The following MTNAP1 variants were observed in gnomAD, a reference collection of about 807,000 sequenced individuals.
MTNAP1 encodes the protein mitochondrial nucleoid-associated protein 1.
chr17:73,235,622 C>G, the MTNAP1 span: 1 of 1,614,144 alleles, frequency 6.2e-7, no homozygotes, highest in Non-Finnish European at 8.5e-7. Flanking sequence ...TCCAAGCCAG[C>G]TACACTCCCA....
chr17:73,233,921 C>T, the MTNAP1 span, among the ~76,000 whole-genome samples: 1 of 151,674 alleles, frequency 6.6e-6, no homozygotes, highest in African/African-American at 2.4e-5. Context: ...TTACTGTAAT[C>T]TGTTGGCAGA....
the MTNAP1 span, chr17:73,247,402 T>G: frequency 3.2e-6 from 5 of 1,557,570 alleles, no homozygotes; most frequent in Non-Finnish European, 4.4e-6. Flanking sequence ...GTGCCCTGTG[T>G]TGCCCACTGA....
chr17:73,237,033 CA>C, the MTNAP1 span: 2 of 1,493,552 alleles, frequency 1.3e-6, no homozygotes, highest in Non-Finnish European at 1.8e-6. Context: ...CTGTCCCATC[CA>C]AAATGCTCTC....
chr17:73,236,590 C>T, the MTNAP1 span: 1 of 1,614,210 alleles, frequency 6.2e-7, no homozygotes, highest in Admixed American at 1.7e-5. Context: ...TTCTGTATCG[C>T]AGTCAAGTAG....
At chr17:73,235,760 T>G in the MTNAP1 span, 5 of 1,614,164 alleles carry the variant, frequency 3.1e-6, no homozygotes, top group Non-Finnish European at 4.2e-6. Context: ...GTGAAGACCT[T>G]TCCACTGCCA....
the MTNAP1 span, among the ~76,000 whole-genome samples, chr17:73,246,219 T>C: frequency 6.6e-6 from 1 of 152,192 alleles, no homozygotes; most frequent in Non-Finnish European, 1.5e-5. Context: ...GGTCAGTTCC[T>C]CTTATGTCCC....
the MTNAP1 span, chr17:73,248,603 T>C: frequency 6.7e-7 from 1 of 1,498,474 alleles, no homozygotes; most frequent in South Asian, 1.2e-5. Flanking sequence ...TTCCCATCCA[T>C]CCCGCAGAAG....
At chr17:73,234,580 C>A in the MTNAP1 span, among the ~76,000 whole-genome samples, 53 of 150,958 alleles carry the variant, frequency 3.5e-4, no homozygotes, top group Admixed American at 1.8e-3. Flanking sequence ...AGTCCCAGCT[C>A]CTCGGGATGC....
At chr17:73,243,811 G>A in the MTNAP1 span, among the ~76,000 whole-genome samples, 1 of 152,158 alleles carries the variant, frequency 6.6e-6, no homozygotes, top group East Asian at 1.9e-4. Context: ...GGAATTACAG[G>A]CATGAGCCAC....
the MTNAP1 span, chr17:73,242,804 C>A: frequency 2.2e-6 from 2 of 899,618 alleles, no homozygotes; most frequent in Non-Finnish European, 3.5e-6. Context: ...ACAGTTCCAT[C>A]ACTCAGGCTA....
At chr17:73,247,254 A>AC in the MTNAP1 span, 1 of 1,614,098 alleles carries the variant, frequency 6.2e-7, no homozygotes, top group Non-Finnish European at 8.5e-7. Flanking sequence ...AATTGTGCCG[A>AC]CCCCTGCCCT....
At chr17:73,248,565 G>A in the MTNAP1 span, 1 of 1,550,650 alleles carries the variant, frequency 6.4e-7, no homozygotes, top group Non-Finnish European at 8.7e-7. Flanking sequence ...TGCAGCGTGA[G>A]AATCCATACA....
the MTNAP1 span, chr17:73,236,246 G>C: frequency 6.2e-7 from 1 of 1,614,146 alleles, no homozygotes; most frequent in Non-Finnish European, 8.5e-7. Context: ...TCCAAAGGCA[G>C]GGATCACCTC....
the MTNAP1 span, chr17:73,245,034 A>G: frequency 1.3e-6 from 1 of 771,684 alleles, no homozygotes. Flanking sequence ...AAGTGAAACA[A>G]ACTTCTCATT....
At chr17:73,245,720 G>T in the MTNAP1 span, 1 of 985,256 alleles carries the variant, frequency 1.0e-6, no homozygotes, top group East Asian at 1.1e-4. Flanking sequence ...GGGCATTCGA[G>T]TTGCAGGTAA....
the MTNAP1 span, among the ~76,000 whole-genome samples, chr17:73,241,113 T>C: frequency 6.6e-6 from 1 of 152,200 alleles, no homozygotes; most frequent in South Asian, 2.1e-4. Flanking sequence ...TCATAAAACA[T>C]GGAGAAAACC....
chr17:73,247,495 C>A, the MTNAP1 span: 1 of 667,386 alleles, frequency 1.5e-6, no homozygotes, highest in Non-Finnish European at 2.6e-6. Context: ...ATTTGTATCA[C>A]TGCTATAAAT....
At chr17:73,235,392 G>A in the MTNAP1 span, 1 of 1,169,852 alleles carries the variant, frequency 8.5e-7, no homozygotes, top group Non-Finnish European at 1.2e-6. Flanking sequence ...TGTTCCAAAT[G>A]AATTTAAAAG....
At chr17:73,242,657 G>C in the MTNAP1 span, among the ~76,000 whole-genome samples, 2 of 152,120 alleles carry the variant, frequency 1.3e-5, no homozygotes, top group Non-Finnish European at 2.9e-5. Context: ...AAGTTAACCA[G>C]TTGTATTAGC....
Sources: allele counts gnomAD v4.1 joint callset (sites outside exome capture counted in the v4.1 genomes callset), GRCh38; gene constraint gnomAD v4.1.1; transcripts MANE v1.5; gene names NCBI Gene and HGNC (gene_info 2026-07-23, HGNC 2026-07-21).